ASB7: variants seen among roughly 807,000 people sequenced by gnomAD.
The protein encoded by ASB7 is ankyrin repeat and SOCS box protein 7.
Under a neutral mutation model 32.5 loss-of-function variants are expected in ASB7, and 4 were observed. That is an observed-to-expected ratio of 0.12 (90% confidence interval 0.06 to 0.28). The LOEUF (loss-of-function observed/expected upper bound fraction) is 0.28. Among genes scored for constraint, ASB7 ranks in the 10% least tolerant of loss-of-function variants. The probability of loss-of-function intolerance (pLI) is 1.00; values close to 1 mark genes in which losing one functional copy is unlikely to be tolerated. For synonymous variants in ASB7, 172 were observed against 155.6 expected, an observed-to-expected ratio of 1.11 and a Z score of -0.78; for missense variants, 181 against 407.1, an observed-to-expected ratio of 0.44 and a Z score of 4.78.
At chr15:100,624,903 TA>T (rs36088432) in intron 4 of ASB7, among the ~76,000 whole-genome samples, 2 of 151,360 alleles carry the variant, frequency 1.3e-5, no homozygotes, top group African/African-American at 4.9e-5. Flanking sequence ...TATTGGTGTA[TA>T]AAAAAAAATA....
At chr15:100,610,793 G>A (rs1292041869) in intron 3 of ASB7, among the ~76,000 whole-genome samples, 2 of 152,188 alleles carry the variant, frequency 1.3e-5, no homozygotes, top group Non-Finnish European at 2.9e-5. Flanking sequence ...GAACAGAAAT[G>A]TCTTTAAAGG....
intron 4 of ASB7, among the ~76,000 whole-genome samples, chr15:100,618,716 CTA>C (rs1449955451): frequency 6.6e-6 from 1 of 151,996 alleles, no homozygotes; most frequent in Non-Finnish European, 1.5e-5. Flanking sequence ...CCTTTATAAA[CTA>C]TGTATTCAGC....
chr15:100,623,503 C>T (rs1353589476), intron 4 of ASB7, among the ~76,000 whole-genome samples: 1 of 152,210 alleles, frequency 6.6e-6, no homozygotes, highest in African/African-American at 2.4e-5. Flanking sequence ...CATCATTAAT[C>T]ATCAGGGAAA....
At chr15:100,639,815 G>T (rs2039948681) in intron 5 of ASB7, among the ~76,000 whole-genome samples, 1 of 152,092 alleles carries the variant, frequency 6.6e-6, no homozygotes, top group Non-Finnish European at 1.5e-5. Context: ...AAAATATCCT[G>T]CCCTTTATAG....
intron 2 of ASB7, among the ~76,000 whole-genome samples, chr15:100,604,071 T>C (rs1361187564): frequency 6.6e-6 from 1 of 152,264 alleles, no homozygotes; most frequent in Admixed American, 6.5e-5. Flanking sequence ...CAATATCTTA[T>C]TAATCGTTTG....
intron 2 of ASB7, among the ~76,000 whole-genome samples, chr15:100,607,678 A>G (rs1018605397): frequency 6.6e-6 from 1 of 152,238 alleles, no homozygotes; most frequent in East Asian, 1.9e-4. Context: ...ATTCATTTTA[A>G]GTATGCAGAA....
In ASB7 at chr15:100,650,529, G is replaced by A. The variant is rs906413981; in HGVS notation, c.*2067G>A. 5.3e-5 allele frequency: 8 copies of A among 152,144 alleles called. No individual in the cohort carries two copies. The highest frequency in any genetic ancestry group is 1.3e-4 in the Admixed American group (2 of 15,274). The allele number at this position is 152,144 out of a possible 1,614,324, so 9.4% of individuals were successfully genotyped here. A position where few individuals can be genotyped will look rare whatever the true frequency, so the allele number is the denominator to read the frequency against. On this transcript the variant is annotated 3_prime_UTR_variant, in exon 6 of 6. Coordinates refer to ENST00000332783, the MANE Select transcript of ASB7 (RefSeq NM_198243.3). ...CACTTGCACAAGGGCTGATTTCCAC[G>A]TATGTGTGTGTTAATTTATTCACTT... is the stretch of plus-strand genomic sequence containing the variant.
intron 4 of ASB7, among the ~76,000 whole-genome samples, chr15:100,613,663 A>G (rs576441435): frequency 1.3e-5 from 2 of 152,356 alleles, no homozygotes; most frequent in South Asian, 4.1e-4. Flanking sequence ...TTAAAATTCT[A>G]TGCAGGGCTT....
intron 2 of ASB7, chr15:100,609,406 G>A (rs2039675049): frequency 6.6e-6 from 1 of 152,162 alleles, no homozygotes. Flanking sequence ...CTCAATAGAG[G>A]AAAATGAAGA....
chr15:100,606,131 T>G (rs899703591), intron 2 of ASB7, among the ~76,000 whole-genome samples: 1 of 152,140 alleles, frequency 6.6e-6, no homozygotes, highest in Non-Finnish European at 1.5e-5. Context: ...GGTACGGCCG[T>G]GTAGTGTTTT....
chr15:100,633,886 C>T (rs555669669), intron 5 of ASB7, among the ~76,000 whole-genome samples: 1 of 152,224 alleles, frequency 6.6e-6, no homozygotes, highest in East Asian at 1.9e-4. Context: ...ATAATGTTTG[C>T]ACACACACCA....
intron 4 of ASB7, among the ~76,000 whole-genome samples, chr15:100,628,970 C>T (rs1010291752): frequency 3.9e-5 from 6 of 152,104 alleles, no homozygotes; most frequent in Non-Finnish European, 7.4e-5. Context: ...TAAAACAACA[C>T]GGTGTGCCAG....
intron 2 of ASB7, among the ~76,000 whole-genome samples, chr15:100,603,845 A>G (rs925885369): frequency 6.6e-6 from 1 of 152,206 alleles, no homozygotes; most frequent in Admixed American, 6.5e-5. Flanking sequence ...TTCAGAAAAT[A>G]GTTTGATTTT....
chr15:100,619,742 G>A (rs2039774909), intron 4 of ASB7, among the ~76,000 whole-genome samples: 1 of 152,214 alleles, frequency 6.6e-6, no homozygotes, highest in Admixed American at 6.5e-5. Context: ...CAAAATCAGA[G>A]TAAGAGGTTG....
chr15:100,632,553 G>A (rs369032508), intron 5 of ASB7, among the ~76,000 whole-genome samples: 2 of 152,274 alleles, frequency 1.3e-5, no homozygotes, highest in South Asian at 4.1e-4. Context: ...AAAGAAGGTT[G>A]GTTGGTTCAG....
chr15:100,646,096 T>G, intron 5 of ASB7: 1 of 398,904 alleles, frequency 2.5e-6, no homozygotes, highest in Non-Finnish European at 5.0e-6. Flanking sequence ...AGCTGTGGAA[T>G]CTACACTTGG....
chr15:100,620,527 A>T (rs1293217010), intron 4 of ASB7, among the ~76,000 whole-genome samples: 1 of 81,522 alleles, frequency 1.2e-5, no homozygotes, highest in Non-Finnish European at 3.6e-5. Context: ...GATGCATATA[A>T]TAGCACATCT....
intron 4 of ASB7, among the ~76,000 whole-genome samples, chr15:100,622,618 T>C (rs1261214590): frequency 6.6e-6 from 1 of 152,146 alleles, no homozygotes; most frequent in Non-Finnish European, 1.5e-5. Context: ...CACAGACCAA[T>C]GGAACAGAGA....
intron 4 of ASB7, among the ~76,000 whole-genome samples, chr15:100,618,575 C>T (rs931516666): frequency 3.9e-5 from 6 of 152,196 alleles, no homozygotes; most frequent in African/African-American, 1.4e-4. Flanking sequence ...CTTGACTTTT[C>T]ACTCTCTCTT....
Sources: gnomAD v4.1 joint callset for allele counts (sites outside exome capture counted in the v4.1 genomes callset) on GRCh38, gnomAD v4.1.1 for gene constraint, MANE v1.5 for transcripts, NCBI Gene and HGNC (gene_info 2026-07-23, HGNC 2026-07-21) for gene names.